ABCA5: variants seen among roughly 807,000 people sequenced by gnomAD.
The protein encoded by ABCA5 is ATP binding cassette subfamily A member 5.
ABCA5 carries 163 observed loss-of-function variants against 206.0 expected under a neutral mutation model. That is an observed-to-expected ratio of 0.79 (90% CI 0.70 to 0.90). The LOEUF is 0.90. Among genes scored for constraint, ABCA5 ranks in the 40% least tolerant of loss-of-function variants. The probability of loss-of-function intolerance (pLI) is 0.00; values close to 1 mark genes in which losing one functional copy is unlikely to be tolerated. For synonymous variants in ABCA5, 609 were observed against 613.8 expected (o/e 0.99, Z 0.11); for missense variants, 1,859 against 1,912.9 (o/e 0.97, Z 0.53).
At chr17:69,286,188 A>C in intron 16 of ABCA5, 33 bp downstream of exon 16, 1 of 1,580,212 alleles carries the variant, frequency 6.3e-7, no homozygotes, top group Non-Finnish European at 8.6e-7. Flanking sequence ...CAAGAGTATA[A>C]TATAGAATAA....
At chr17:69,258,759 TTA>T (rs2075111858) in intron 28 of ABCA5, among the ~76,000 whole-genome samples, 1 of 152,134 alleles carries the variant, frequency 6.6e-6, no homozygotes, top group African/African-American at 2.4e-5. Context: ...AATGGAACTT[TTA>T]TGTTATTTTT....
chr17:69,259,582 C>T, intron 28 of ABCA5, 124 bp downstream of exon 28: 1 of 560,276 alleles, frequency 1.8e-6, no homozygotes, highest in Non-Finnish European at 3.1e-6. Flanking sequence ...AAGAAAGTGG[C>T]TGTTAATGGG....
intron 6 of ABCA5, among the ~76,000 whole-genome samples, chr17:69,306,239 A>C (rs1361850343): frequency 6.6e-6 from 1 of 152,150 alleles, no homozygotes; most frequent in Admixed American, 6.6e-5. Flanking sequence ...AATTCACCCA[A>C]ATAACTAAAA....
At chr17:69,267,895 T>C (rs369192650) in intron 23 of ABCA5, 48 bp downstream of exon 23, 10 of 1,066,446 alleles carry the variant, frequency 9.4e-6, no homozygotes, top group African/African-American at 1.6e-5. Flanking sequence ...GTTATTTTTA[T>C]ATGACACTTC....
intron 11 of ABCA5, among the ~76,000 whole-genome samples, 163 bp downstream of exon 11, chr17:69,294,492 A>G: frequency 6.6e-6 from 1 of 152,166 alleles, no homozygotes; most frequent in African/African-American, 2.4e-5. Flanking sequence ...ACTGCACTAT[A>G]ACCTGGGTGA....
In ABCA5 at chr17:69,301,048, TTAG is replaced by T. The variant is rs201000125; in HGVS notation, c.1267+88_1267+90del. 3.6e-3 allele frequency: 4,288 copies of T among 1,207,206 alleles called. 120 individuals are homozygous for T. The African/African-American group carries it at 0.058, about 16-fold the overall frequency. The allele number at this position is 1,207,206 out of a possible 1,614,324, so 74.8% of individuals were successfully genotyped here. A position where few individuals can be genotyped will look rare whatever the true frequency, so the allele number is the denominator to read the frequency against. On this transcript the variant is annotated intron_variant, in intron 9 of 38. Transcript: ENST00000392676. ...ATGAATATGACTTAGGGTACCCTGG[TTAG>T]GAAAAAAAATCTTAAAATTAAGCTG...
chr17:69,290,117 A>C, intron 12 of ABCA5, 80 bp from the exon 13 acceptor site: 1 of 1,034,658 alleles, frequency 9.7e-7, no homozygotes, highest in Non-Finnish European at 1.3e-6. Flanking sequence ...TAACTTAGTT[A>C]TTTGGTTATA....
At chr17:69,309,531 G>T in intron 3 of ABCA5, 108 bp from the exon 4 acceptor site, 1 of 874,670 alleles carries the variant, frequency 1.1e-6, no homozygotes, top group Non-Finnish European at 1.6e-6. Flanking sequence ...AAACACTTTT[G>T]CTATATTTAC....
In ABCA5 at chr17:69,309,414, G is replaced by C. The variant is rs2145031649; in HGVS notation, c.317C>G (p.Thr106Ser). Residue 106 changes from threonine (T) to serine (S), a missense_variant, in exon 4 of 39, where the codon ACT becomes AGT. By Grantham distance (58) the Thr-to-Ser change is moderately conservative. Transcript: ENST00000392676. ...STDHLPDVII[T>S]EEYTNEKEML... ...TTCTTTTTCATTTGTATATTCTTCAGTAATTATGACTGTAAGATATCATAA... is the reference window on the plus strand; with the variant it reads ...TTCTTTTTCATTTGTATATTCTTCACTAATTATGACTGTAAGATATCATAA... The C allele has an allele frequency of 6.4e-7, 1 of 1,566,366 alleles. No homozygotes were observed. Among genetic ancestry groups the C allele is most frequent in the Middle Eastern group, 1.7e-4 (1 of 5,854 alleles).
chr17:69,303,818 A>G (rs1598197454), intron 7 of ABCA5, among the ~76,000 whole-genome samples: 3 of 8,450 alleles, frequency 3.6e-4, no homozygotes, highest in African/African-American at 4.4e-4. Flanking sequence ...ACATACATAT[A>G]TATATATGTA....
chr17:69,317,462 T>C (rs1458607079), intron 1 of ABCA5, among the ~76,000 whole-genome samples: 1 of 126,334 alleles, frequency 7.9e-6, no homozygotes, highest in African/African-American at 2.9e-5. Context: ...AAAATGAACA[T>C]ACAAAACGTT....
chr17:69,304,126 G>C (rs1214899637), intron 7 of ABCA5: 1 of 151,812 alleles, frequency 6.6e-6, no homozygotes, highest in African/African-American at 2.4e-5. Context: ...TTATTTTAAA[G>C]AGCAGAAATG....
Position 69,282,029 on chromosome 17 carries a change from G to A in ABCA5, c.2392+1924C>T, listed in dbSNP as rs866248897. On this transcript the variant is annotated intron_variant, in intron 18 of 38. Transcript: ENST00000392676. Reference sequence around the variant, plus strand: ...TCATAAGAAAGTTTCCTCAACTCATGTTCTTACCGTAAACTGAATAGATCC... The same window carrying A: ...TCATAAGAAAGTTTCCTCAACTCATATTCTTACCGTAAACTGAATAGATCC... Among the ~76,000 whole-genome samples, 27 of 152,208 alleles carry A rather than the reference G, an allele frequency of 1.8e-4. No individual in the cohort carries two copies. The Middle Eastern group carries it at 0.01, about 58-fold the overall frequency.
rs561572642 is a variant in ABCA5, at chr17:69,297,301, C to T, written c.1326G>A (p.Lys442=). 2.4e-5 allele frequency: 38 copies of T among 1,612,424 alleles called. No homozygotes were observed. The African/African-American group carries it at 4.5e-4, about 19-fold the overall frequency. Residue 442 remains lysine (K), a synonymous_variant, in exon 10 of 39, where the codon AAG becomes AAA. Coordinates refer to ENST00000392676, the MANE Select transcript of ABCA5 (RefSeq NM_172232.4). ...LYFLKPSYWS[K]SKRNYEELSE... is the part of the protein sequence containing the mutation. ...ATAACTCCTCATAATTTCTTTTGCT[C>T]TTTGACCAATATGAAGGCTTCAGAA...
intron 17 of ABCA5, 49 bp from the exon 18 acceptor site, chr17:69,284,121 A>T: frequency 7.2e-7 from 1 of 1,386,014 alleles, no homozygotes; most frequent in Admixed American, 3.0e-5. Flanking sequence ...ATATTATCAT[A>T]AATTATTGTA....
rs146359008 is a variant in ABCA5 at position 69,264,230 on chromosome 17, G to C, written c.3315+505C>G. ...TGAATTCCTTCACCAATGTTTTGTA[G>C]TTCTCCCTGTAGAGATCTTTCATCT... is the stretch of plus-strand genomic sequence containing the variant. On this transcript the variant is annotated intron_variant, in intron 24 of 38. Transcript: ENST00000392676. Among the ~76,000 whole-genome samples, 6 of 152,112 alleles carry C rather than the reference G, an allele frequency of 3.9e-5. No homozygotes were observed. In the East Asian group the frequency reaches 1.2e-3, roughly 29 times the overall value.
rs2074929563 is a variant in ABCA5, at chr17:69,244,537, A to T, written c.*3000T>A. 1 of 151,816 alleles carries T rather than the reference A, an allele frequency of 6.6e-6. No homozygotes were observed. Among genetic ancestry groups the T allele is most frequent in the Admixed American group, 6.6e-5 (1 of 15,256 alleles). The allele number at this position is 151,816 out of a possible 1,614,324, so 9.4% of individuals were successfully genotyped here. On this transcript the variant is annotated 3_prime_UTR_variant, in exon 39 of 39. Coordinates refer to ENST00000392676, the MANE Select transcript of ABCA5 (RefSeq NM_172232.4). ...AATAATTAAACTTTTACCTGATAAG[A>T]ATAGCTGATATAAAAATTATTCATC...
chr17:69,303,405 C>A (rs950835459), intron 7 of ABCA5, among the ~76,000 whole-genome samples: 5 of 151,940 alleles, frequency 3.3e-5, no homozygotes, highest in Non-Finnish European at 7.4e-5. Context: ...GTGTGAGCCA[C>A]CACATCTGGT....
At chr17:69,247,732 A>G (rs887961209) in intron 38 of ABCA5, 88 bp from the exon 39 acceptor site, 19 of 598,974 alleles carry the variant, frequency 3.2e-5, no homozygotes, top group Non-Finnish European at 4.0e-5. Flanking sequence ...GTACAAGGCT[A>G]TATCTAGTTA....
Sources: gnomAD v4.1 joint callset for allele counts (sites outside exome capture counted in the v4.1 genomes callset) on GRCh38, gnomAD v4.1.1 for gene constraint, MANE v1.5 for transcripts, NCBI Gene and HGNC (gene_info 2026-07-23, HGNC 2026-07-21) for gene names.